The following TMEM240 variants were observed in gnomAD, a reference collection of about 807,000 sequenced individuals.
The protein encoded by TMEM240 is transmembrane protein C1orf70.
TMEM240 carries 3 observed loss-of-function variants against 19.5 expected under a neutral mutation model. The observed-to-expected ratio is 0.15, with a 90% CI of 0.07 to 0.40. The LOEUF is 0.40. TMEM240 is among the 10% of genes least tolerant of loss of function. The pLI, the probability that TMEM240 is intolerant of heterozygous loss-of-function variation, is 1.00. For missense variants in TMEM240, 210 were observed against 253.5 expected, an observed-to-expected ratio of 0.83 and a Z score of 1.17; for synonymous variants, 123 against 109.3, an observed-to-expected ratio of 1.13 and a Z score of -0.78.
chr1:1,537,813 C>A (rs755952169), intron 2 of TMEM240, among the ~76,000 whole-genome samples: 1 of 152,206 alleles, frequency 6.6e-6, no homozygotes, highest in Non-Finnish European at 1.5e-5. Context: ...AGTGCATGTT[C>A]GCTTGGCTTT....
chr1:1,539,493 C>T (rs1642268677), intron 2 of TMEM240, 191 bp downstream of exon 2: 1 of 591,810 alleles, frequency 1.7e-6, no homozygotes. Flanking sequence ...CTAGGAACGG[C>T]GTCCTAAAGC....
chr1:1,539,423 C>A, intron 2 of TMEM240: 1 of 522,286 alleles, frequency 1.9e-6, no homozygotes, highest in Non-Finnish European at 3.5e-6. Flanking sequence ...CTGCGGCTTT[C>A]CGGCCTCCAG....
rs911377207 is a variant in TMEM240, at chr1:1,537,648, G to A, written c.165-1851C>T. On this transcript the variant is annotated intron_variant, in intron 2 of 3. Coordinates refer to ENST00000378733, the MANE Select transcript of TMEM240 (RefSeq NM_001114748.2). ...GTATGTCTGTGACATGTACATACGT[G>A]TGTCCTGCCTGCACCACACACACCA... 3.9e-5 allele frequency among the ~76,000 whole-genome samples: 6 copies of A among 152,176 alleles called. No individual in the cohort carries two copies. The East Asian group carries it at 1.2e-3, about 29-fold the overall frequency.
chr1:1,539,707 G>A lies in TMEM240; in HGVS notation c.141C>T (p.Arg47=), dbSNP rs538510141. The A allele has an allele frequency of 1.5e-4, 225 of 1,548,094 alleles. 1 individual carries two copies. The African/African-American group carries it at 2.8e-3, about 20-fold the overall frequency. Residue 47 remains arginine, a synonymous_variant, in exon 2 of 4, where the codon CGC becomes CGT. Coordinates refer to ENST00000378733, the MANE Select transcript of TMEM240 (RefSeq NM_001114748.2). ...YILPHLRGED[R]VCHCNCGRHH... The stretch of plus-strand genomic sequence containing the variant: ...ACCGGCCACAGTTGCAGTGGCAGAC[G>A]CGGTCCTCGCCCCGCAGGTGCGGGA...
At position 1,535,850 on chromosome 1, in the gene TMEM240, TC is replaced by T; in HGVS notation, c.165-54del. ...TCTCCCGCCACCCCCGGCCTGGCCT[TC>T]CCCCGGGGCGCCTACCCCGTGGTGG... On this transcript the variant is annotated intron_variant, in intron 2 of 3. Transcript: ENST00000378733. This position sits in a 1 kb window ranked among gnomAD's most constrained non-coding sequence, Gnocchi z 8.2. The T allele has an allele frequency of 3.8e-6, 5 of 1,309,694 alleles. No individual in the cohort carries two copies. Among genetic ancestry groups the T allele is most frequent in the Middle Eastern group, 2.5e-4 (1 of 4,046 alleles). 81.1% of individuals were successfully genotyped at this position (1,309,694 alleles called of 1,614,324 possible).
rs1017428510 is a variant in TMEM240 at position 1,536,451 on chromosome 1, C to G, written c.165-654G>C. Among the ~76,000 whole-genome samples the G allele has an allele frequency of 2.6e-5, 4 of 152,204 alleles. No individual in the cohort carries two copies. The highest frequency in any genetic ancestry group is 5.9e-5 in the Non-Finnish European group (4 of 68,020). On this transcript the variant is annotated intron_variant, in intron 2 of 3. Transcript: ENST00000378733. This position sits in a 1 kb window ranked among gnomAD's most constrained non-coding sequence, Gnocchi z 5.4. ...CCTGGGGGACGCCCCCTTGCCCTTG[C>G]CTGGCACAGACCCGCCCCGCTCCTC...
In TMEM240 at chr1:1,535,437, GAAGGGCCTGT is replaced by G; in HGVS notation, c.434_443del (p.His145ProfsTer11). ...GTACCATGTTCCCGGCGGCCTCCTC[GAAGGGCCTGT>G]GCGGCCGCCGGCCCAGCTCCCGCAG... On this transcript the variant is annotated frameshift_variant, in exon 4 of 4. Transcript: ENST00000378733. LOFTEE classifies it high-confidence loss of function. The surrounding 1 kb of genome is among the most constrained non-coding windows in gnomAD (Gnocchi z 8.2). The G allele has an allele frequency of 6.5e-7, 1 of 1,549,554 alleles. No individual in the cohort carries two copies. The highest frequency in any genetic ancestry group is 1.2e-5 in the South Asian group (1 of 84,008).
In TMEM240 at chr1:1,540,334, C is replaced by T; in HGVS notation, c.13G>A (p.Ala5Thr). MSMS[A>T]NTMIFMILGA... is the part of the protein sequence containing the mutation. ...AGAATCATGAAGATCATGGTGTTCGCGCTCATGGACATCGGGCGGGGCCGG... is the reference window on the plus strand; with the variant it reads ...AGAATCATGAAGATCATGGTGTTCGTGCTCATGGACATCGGGCGGGGCCGG... The change falls in exon 1 of 4, where the codon GCG (alanine) becomes ACG (threonine). Residue 5 changes from alanine (A) to threonine (T), a missense_variant. Ala to Thr is a moderately conservative substitution (Grantham distance 58). This residue lies in a region of TMEM240 where 30 missense variants were observed against 27.7 expected (regional missense o/e 1.08). Coordinates refer to ENST00000378733, the MANE Select transcript of TMEM240 (RefSeq NM_001114748.2). 1 of 1,274,742 alleles carries T rather than the reference C, an allele frequency of 7.8e-7. No homozygotes were observed. The highest frequency in any genetic ancestry group is 3.7e-5 in the Admixed American group (1 of 27,146). 79.0% of individuals were successfully genotyped at this position (1,274,742 alleles called of 1,614,324 possible).
At position 1,535,580 on chromosome 1, in the gene TMEM240, GGCACTCACCGTA is replaced by G; in HGVS notation, c.370_373+8del. 1 of 1,546,646 alleles carries G rather than the reference GGCACTCACCGTA, an allele frequency of 6.5e-7. No homozygotes were observed. The highest frequency in any genetic ancestry group is 8.7e-7 in the Non-Finnish European group (1 of 1,144,962). On this transcript the variant is annotated splice_donor_variant and splice_donor_5th_base_variant and coding_sequence_variant and intron_variant, in exon 3 of 4. Transcript: ENST00000378733. LOFTEE classifies it high-confidence loss of function. This position sits in a 1 kb window ranked among gnomAD's most constrained non-coding sequence, Gnocchi z 8.2. ...CAGCACTCCCGGGCGGCGGGCACGA[GGCACTCACCGTA>G]GCGCCGTCCGGCTCTCCAGGCGCGC...
Position 1,535,923 on chromosome 1 carries a change from C to CG in TMEM240, c.165-127_165-126insC. On this transcript the variant is annotated intron_variant, in intron 2 of 3. Transcript: ENST00000378733. The surrounding 1 kb of genome is among the most constrained non-coding windows in gnomAD (Gnocchi z 8.2). ...CCCTGGGGGTTCTCTGAAGCAGCCT[C>CG]TTGGGCGGGCGGGTCGGGAAGGGGG... 2.5e-6 allele frequency: 1 copy of CG among 404,330 alleles called. No individual in the cohort carries two copies. Among genetic ancestry groups the CG allele is most frequent in the Non-Finnish European group, 4.9e-6 (1 of 202,510 alleles). 25.0% of individuals were successfully genotyped at this position (404,330 alleles called of 1,614,324 possible).
Position 1,539,880 on chromosome 1 carries a change from G to A in TMEM240, c.58-90C>T, listed in dbSNP as rs1642274044. The A allele has an allele frequency of 7.3e-6, 8 of 1,101,428 alleles. No individual in the cohort carries two copies. The South Asian group carries it at 8.7e-5, about 12-fold the overall frequency. The allele number at this position is 1,101,428 out of a possible 1,614,324, so 68.2% of individuals were successfully genotyped here. On this transcript the variant is annotated intron_variant, in intron 1 of 3. Coordinates refer to ENST00000378733, the MANE Select transcript of TMEM240 (RefSeq NM_001114748.2). ...GAGCGCAGGCCGGGGTCGGGGCAGC[G>A]CAAGCGGGGAGCGAGAGCGCAGGCC...
In TMEM240 at chr1:1,536,530, G is replaced by A. The variant is rs1229549654; in HGVS notation, c.165-733C>T. Among the ~76,000 whole-genome samples the A allele has an allele frequency of 6.6e-5, 10 of 152,302 alleles. No homozygotes were observed. In the South Asian group the frequency reaches 1.0e-3, roughly 16 times the overall value. Reference sequence around the variant, plus strand: ...GCCCTTTCGTCCTCAGTGCCTGCGCGCCTCCATGTCCCTCGGCCTCCCCTC... The same window carrying A: ...GCCCTTTCGTCCTCAGTGCCTGCGCACCTCCATGTCCCTCGGCCTCCCCTC... On this transcript the variant is annotated intron_variant, in intron 2 of 3. Coordinates refer to ENST00000378733, the MANE Select transcript of TMEM240 (RefSeq NM_001114748.2). This position sits in a 1 kb window ranked among gnomAD's most constrained non-coding sequence, Gnocchi z 5.4.
At position 1,535,242 on chromosome 1, in the gene TMEM240, G is replaced by A. The variant is rs1039953202; in HGVS notation, c.*117C>T. The stretch of plus-strand genomic sequence containing the variant: ...GACTCTCCCGGCCGGCCACAGCCCC[G>A]GACAACCTGGGCCCAGGGCTGCTGT... On this transcript the variant is annotated 3_prime_UTR_variant, in exon 4 of 4. Coordinates refer to ENST00000378733, the MANE Select transcript of TMEM240 (RefSeq NM_001114748.2). This position sits in a 1 kb window ranked among gnomAD's most constrained non-coding sequence, Gnocchi z 8.2. 9.2e-5 allele frequency: 96 copies of A among 1,045,348 alleles called. No individual in the cohort carries two copies. In the Middle Eastern group the frequency reaches 1.2e-3, roughly 13 times the overall value. The allele number at this position is 1,045,348 out of a possible 1,614,324, so 64.8% of individuals were successfully genotyped here. A position where few individuals can be genotyped will look rare whatever the true frequency, so the allele number is the denominator to read the frequency against.
At chr1:1,539,849 G>C (rs1164560883) in intron 1 of TMEM240, 59 bp from the exon 2 acceptor site, 7 of 1,466,542 alleles carry the variant, frequency 4.8e-6, no homozygotes, top group Middle Eastern at 4.8e-4. Flanking sequence ...CGGGGCTGGG[G>C]GTGGGGAGCG....
rs985993477 is a variant in TMEM240 at position 1,536,764 on chromosome 1, C to T, written c.165-967G>A. ...CCAACAGGAGGGCCTGGGAGTGGAG[C>T]CCGCGGGCCCCACGCGCCTTGCGGT... On this transcript the variant is annotated intron_variant, in intron 2 of 3. Coordinates refer to ENST00000378733, the MANE Select transcript of TMEM240 (RefSeq NM_001114748.2). The surrounding 1 kb of genome is among the most constrained non-coding windows in gnomAD (Gnocchi z 5.4). Among the ~76,000 whole-genome samples the T allele has an allele frequency of 6.6e-6, 1 of 152,148 alleles. No individual in the cohort carries two copies. The highest frequency in any genetic ancestry group is 1.5e-5 in the Non-Finnish European group (1 of 68,004).
intron 2 of TMEM240, among the ~76,000 whole-genome samples, chr1:1,538,838 C>T (rs115379409): frequency 4.4e-4 from 67 of 152,338 alleles, no homozygotes; most frequent in African/African-American, 1.4e-3. Flanking sequence ...GCAGAGATGA[C>T]GAACACGGGT....
At position 1,536,476 on chromosome 1, in the gene TMEM240, C is replaced by G. The variant is rs564307238; in HGVS notation, c.165-679G>C. 2.0e-4 allele frequency among the ~76,000 whole-genome samples: 30 copies of G among 152,354 alleles called. No homozygotes were observed. Among genetic ancestry groups the G allele is most frequent in the Admixed American group, 9.8e-4 (15 of 15,308 alleles). ...CCTGGCACAGACCCGCCCCGCTCCT[C>G]TCAGGATGGACGGCGTCCAGGCTCC... is the stretch of plus-strand genomic sequence containing the variant. On this transcript the variant is annotated intron_variant, in intron 2 of 3. Coordinates refer to ENST00000378733, the MANE Select transcript of TMEM240 (RefSeq NM_001114748.2). The surrounding 1 kb of genome is among the most constrained non-coding windows in gnomAD (Gnocchi z 5.4).
intron 1 of TMEM240, among the ~76,000 whole-genome samples, 186 bp from the exon 2 acceptor site, chr1:1,539,976 G>C (rs1404668478): frequency 9.3e-6 from 1 of 107,062 alleles, no homozygotes; most frequent in Non-Finnish European, 1.9e-5. Flanking sequence ...GGGGAGGGGA[G>C]CGCAGGCCGG....
chr1:1,539,933 G>A, intron 1 of TMEM240, 143 bp from the exon 2 acceptor site: 2 of 613,600 alleles, frequency 3.3e-6, no homozygotes, highest in South Asian at 4.0e-5. Flanking sequence ...GGCCTTGGTA[G>A]GGGGAGCGCA....
Sources: gnomAD v4.1 joint callset for allele counts (sites outside exome capture counted in the v4.1 genomes callset) on GRCh38, gnomAD v4.1.1 for gene constraint, gnomAD v4.1.1 regional missense constraint, Gnocchi (gnomAD v3.1) non-coding constraint, MANE v1.5 for transcripts, NCBI Gene and HGNC (gene_info 2026-07-23, HGNC 2026-07-21) for gene names.